The following SLC44A3 variants were observed in gnomAD, a reference collection of about 807,000 sequenced individuals.
SLC44A3 encodes solute carrier family 44 member 3.
A neutral mutation model predicts 75.4 loss-of-function variants in SLC44A3; 74 were observed. The observed-to-expected ratio is 0.98, with a 90% CI of 0.81 to 1.19. The LOEUF is 1.19. Ranked by LOEUF, SLC44A3 falls within the 50% of genes most tolerant of loss-of-function variation. SLC44A3 has a pLI of 0.00. For synonymous variants in SLC44A3, 310 were observed against 296.9 expected, an observed-to-expected ratio of 1.04 and a Z score of -0.45; for missense variants, 700 against 778.6, an observed-to-expected ratio of 0.90 and a Z score of 1.20.
chr1:94,862,709 T>C (rs546742249), intron 10 of SLC44A3, among the ~76,000 whole-genome samples: 24 of 152,042 alleles, frequency 1.6e-4, no homozygotes, highest in Non-Finnish European at 3.1e-4. Flanking sequence ...AGAATTGGGG[T>C]GGATGTGGTC....
At chr1:94,857,958 C>T (rs1042084743) in intron 10 of SLC44A3, among the ~76,000 whole-genome samples, 1 of 151,958 alleles carries the variant, frequency 6.6e-6, no homozygotes, top group African/African-American at 2.4e-5. Context: ...GGACTAAAGG[C>T]ATGCGCCATC....
At chr1:94,849,557 G>C (rs1385374780) in intron 9 of SLC44A3, among the ~76,000 whole-genome samples, 6 of 152,260 alleles carry the variant, frequency 3.9e-5, no homozygotes, top group Non-Finnish European at 8.8e-5. Context: ...GCTAACACTT[G>C]AGAGGGACTC....
intron 9 of SLC44A3, among the ~76,000 whole-genome samples, chr1:94,853,625 C>T (rs935466283): frequency 3.3e-5 from 5 of 152,130 alleles, no homozygotes; most frequent in African/African-American, 1.2e-4. Flanking sequence ...ATTATGGACC[C>T]GTGTTGATAG....
At position 94,821,026 on chromosome 1, in the gene SLC44A3, A is replaced by G. The variant is rs1346806382; in HGVS notation, c.105A>G (p.Leu35=). 6.4e-7 allele frequency: 1 copy of G among 1,551,418 alleles called. No homozygotes were observed. The highest frequency in any genetic ancestry group is 2.0e-5 in the Admixed American group (1 of 50,990). Residue 35 remains leucine, a synonymous_variant, in exon 2 of 15, where the codon TTA becomes TTG. Coordinates refer to ENST00000271227, the MANE Select transcript of SLC44A3 (RefSeq NM_001114106.3). Reference sequence around the variant, plus strand: ...GGAAATGCACAGATACGGCATGGTTATTCCTGTTCTTTCTCTTTTGGACTG... The same window carrying G: ...GGAAATGCACAGATACGGCATGGTTGTTCCTGTTCTTTCTCTTTTGGACTG... ...IYRKCTDTAW[L]FLFFLFWTGL...
intron 14 of SLC44A3, among the ~76,000 whole-genome samples, chr1:94,894,559 G>T (rs12058858): frequency 0.092 from 13,911 of 151,844 alleles, 1,204 homozygotes; most frequent in East Asian, 0.37. Context: ...TCCCCTAAAA[G>T]TAATTCACCA....
intron 12 of SLC44A3, among the ~76,000 whole-genome samples, chr1:94,884,939 T>C (rs1189708259): frequency 6.6e-6 from 1 of 152,120 alleles, no homozygotes; most frequent in Non-Finnish European, 1.5e-5. Flanking sequence ...ATAATTACAA[T>C]TTTCTATAAA....
Position 94,820,371 on chromosome 1 carries a change from C to A in SLC44A3, c.-81C>A. The stretch of plus-strand genomic sequence containing the variant: ...GCCCCAGCCCCAGCCCCGGCCCCGG[C>A]CCCGGCTCGCGGGCGCTGCGTCTCC... On this transcript the variant is annotated 5_prime_UTR_variant, in exon 1 of 15. Transcript: ENST00000271227. 1 of 1,364,780 alleles carries A rather than the reference C, an allele frequency of 7.3e-7. No individual in the cohort carries two copies. Among genetic ancestry groups the A allele is most frequent in the Non-Finnish European group, 9.4e-7 (1 of 1,061,746 alleles). 84.5% of individuals were successfully genotyped at this position (1,364,780 alleles called of 1,614,324 possible). A position where few individuals can be genotyped will look rare whatever the true frequency, so the allele number is the denominator to read the frequency against.
At chr1:94,887,900 C>G (rs147186402) in intron 12 of SLC44A3, among the ~76,000 whole-genome samples, 1,592 of 152,290 alleles carry the variant, frequency 0.01, 23 homozygotes, top group African/African-American at 0.037. Context: ...GGTAAAGCAA[C>G]TACAGGCCCC....
chr1:94,885,487 C>A (rs538555711), intron 12 of SLC44A3, among the ~76,000 whole-genome samples: 2 of 152,192 alleles, frequency 1.3e-5, no homozygotes. Context: ...GGAATCCAGC[C>A]TCTTTCCACT....
chr1:94,838,401 G>A (rs1663110381), intron 6 of SLC44A3, among the ~76,000 whole-genome samples: 1 of 152,144 alleles, frequency 6.6e-6, no homozygotes, highest in South Asian at 2.1e-4. Context: ...GCCTTCTCTG[G>A]GCATTTCTGG....
intron 3 of SLC44A3, among the ~76,000 whole-genome samples, chr1:94,825,451 T>C (rs3860350): frequency 0.96 from 146,039 of 152,192 alleles, 70,374 homozygotes; most frequent in Non-Finnish European, 1. Flanking sequence ...TTGCCTCAGC[T>C]TCCCAAGTAG....
At chr1:94,846,258 T>C (rs543613955) in intron 9 of SLC44A3, among the ~76,000 whole-genome samples, 2 of 152,312 alleles carry the variant, frequency 1.3e-5, no homozygotes, top group African/African-American at 4.8e-5. Flanking sequence ...TCCATCCTTT[T>C]TTCATATCCA....
intron 12 of SLC44A3, among the ~76,000 whole-genome samples, chr1:94,886,820 C>A (rs1669641856): frequency 6.6e-6 from 1 of 152,036 alleles, no homozygotes; most frequent in African/African-American, 2.4e-5. Context: ...GTCTTGGATC[C>A]CAAGCAAGGG....
In SLC44A3 at chr1:94,867,389, T is replaced by A. The variant is rs999862608; in HGVS notation, c.1454T>A (p.Leu485His). The change falls in exon 12 of 15, where the codon CTT becomes CAT. Residue 485 changes from leucine (L) to histidine (H), a missense_variant. By Grantham distance (99) the Leu-to-His change is moderately conservative (BLOSUM62 -3). Coordinates refer to ENST00000271227, the MANE Select transcript of SLC44A3 (RefSeq NM_001114106.3). ...TGCTGCTACTGCTGTTTCTGGTGTC[T>A]TGACAAATACCTGCTCCATCTCAAC... ...FRCCYCCFWC[L>H]DKYLLHLNQN... 3.1e-6 allele frequency: 5 copies of A among 1,606,944 alleles called. No homozygotes were observed. Among genetic ancestry groups the A allele is most frequent in the East Asian group, 2.2e-5 (1 of 44,516 alleles).
At chr1:94,825,923 A>C (rs12057188) in intron 3 of SLC44A3, 74,525 of 456,094 alleles carry the variant, frequency 0.16, 6,530 homozygotes, top group African/African-American at 0.22. Context: ...AGTGTCAACA[A>C]ACAGTCATTC....
intron 9 of SLC44A3, among the ~76,000 whole-genome samples, chr1:94,856,371 A>G (rs1245510708): frequency 6.6e-6 from 1 of 152,198 alleles, no homozygotes; most frequent in Non-Finnish European, 1.5e-5. Flanking sequence ...TAACTTGTCC[A>G]GGGTTACCCA....
chr1:94,850,987 A>G (rs1470138657), intron 9 of SLC44A3, among the ~76,000 whole-genome samples: 2 of 152,108 alleles, frequency 1.3e-5, no homozygotes, highest in Non-Finnish European at 2.9e-5. Context: ...GAGAGTTGAA[A>G]CAGCTCCTGC....
At chr1:94,869,436 T>A (rs1015909663) in intron 12 of SLC44A3, among the ~76,000 whole-genome samples, 1 of 152,240 alleles carries the variant, frequency 6.6e-6, no homozygotes, top group South Asian at 2.1e-4. Context: ...CTAATCATGG[T>A]GCCTGTGCAC....
intron 9 of SLC44A3, among the ~76,000 whole-genome samples, chr1:94,852,945 G>A (rs1043716566): frequency 2.6e-5 from 4 of 152,320 alleles, no homozygotes; most frequent in Middle Eastern, 3.4e-3. Context: ...CCACCAGATG[G>A]AGATGTCAAG....
Sources: gnomAD v4.1 joint callset for allele counts (sites outside exome capture counted in the v4.1 genomes callset) on GRCh38, gnomAD v4.1.1 for gene constraint, MANE v1.5 for transcripts, NCBI Gene and HGNC (gene_info 2026-07-23, HGNC 2026-07-21) for gene names.